ATP11C: variants seen among roughly 807,000 people sequenced by gnomAD.
ATP11C encodes phospholipid-transporting ATPase IG.
A neutral mutation model predicts 97.4 loss-of-function variants in ATP11C; 36 were observed. The observed-to-expected ratio is 0.37, with a 90% confidence interval of 0.28 to 0.49. ATP11C has a LOEUF of 0.49. Ranked by LOEUF, ATP11C falls within the 20% of genes least tolerant of loss-of-function variation. The pLI is 0.98. For synonymous variants in ATP11C, 275 were observed against 290.9 expected (o/e 0.95, Z 0.56); for missense variants, 730 against 824.6 (o/e 0.89, Z 1.40).
chrX:139,869,737 T>C (rs2084341215), intron 1 of ATP11C, among the ~76,000 whole-genome samples: 1 of 106,072 alleles, frequency 9.4e-6, no homozygotes, highest in Non-Finnish European at 1.9e-5. Context: ...GAGGTTGCAG[T>C]GAGCTGAGAT....
At chrX:139,901,207 G>A (rs763600751) in intron 1 of ATP11C, among the ~76,000 whole-genome samples, 1 of 111,675 alleles carries the variant, frequency 9.0e-6, no homozygotes, top group South Asian at 3.8e-4. Context: ...ATGAAGCATG[G>A]CCCTGTGGAG....
rs768666269 is a variant in ATP11C at position 139,816,932 on chromosome X, G to A, written c.249C>T (p.Asp83=). ...LIIFLVQVTV[D]TPTSPVTSGL... is the part of the protein sequence containing the mutation. Reference sequence around the variant, plus strand: ...CACTGGTAACTGGGCTAGTTGGTGTGTCTACTGTGACCTAGGTAAATAAAA... The same window carrying A: ...CACTGGTAACTGGGCTAGTTGGTGTATCTACTGTGACCTAGGTAAATAAAA... Residue 83 remains aspartate (D), a synonymous_variant, in exon 4 of 30, where the codon GAC becomes GAT. Coordinates refer to ENST00000682941, the MANE Select transcript of ATP11C (RefSeq NM_001353812.2). 26 of 1,186,394 alleles carry A rather than the reference G, an allele frequency of 2.2e-5. No homozygotes were observed. The South Asian group carries it at 4.4e-4, about 20-fold the overall frequency.
intron 1 of ATP11C, among the ~76,000 whole-genome samples, chrX:139,863,868 C>T (rs778576065): frequency 8.8e-4 from 98 of 110,987 alleles, no homozygotes; most frequent in Non-Finnish European, 1.1e-3. Context: ...TTGAGACCAG[C>T]GTGGGCAACA....
chrX:139,908,688 A>AT (rs993401471), intron 1 of ATP11C, among the ~76,000 whole-genome samples: 2 of 112,484 alleles, frequency 1.8e-5, no homozygotes, highest in African/African-American at 6.5e-5. Context: ...TGACAATAAC[A>AT]TAAGTTTCTA....
chrX:139,896,619 GTCTCTCTCTCTCTC>G (rs202000678), intron 1 of ATP11C, among the ~76,000 whole-genome samples: 5 of 90,884 alleles, frequency 5.5e-5, no homozygotes, highest in Admixed American at 3.7e-4. Context: ...TTGAGAAAGA[GTCTCTCTCTCTCTC>G]TCTCTCTCTC....
intron 21 of ATP11C, among the ~76,000 whole-genome samples, chrX:139,762,655 A>C (rs1781906560): frequency 9.0e-6 from 1 of 111,577 alleles, no homozygotes; most frequent in Admixed American, 9.5e-5. Context: ...TGAAAAGAAC[A>C]GTTTGGGAAC....
chrX:139,897,682 AAAG>A (rs2084833001), intron 1 of ATP11C, among the ~76,000 whole-genome samples: 1 of 109,457 alleles, frequency 9.1e-6, no homozygotes, highest in Admixed American at 9.8e-5. Flanking sequence ...AAAAAAAAAA[AAAG>A]AAAAAAGAAA....
At chrX:139,879,396 A>C (rs1350326304) in intron 1 of ATP11C, among the ~76,000 whole-genome samples, 1 of 111,251 alleles carries the variant, frequency 9.0e-6, no homozygotes, top group African/African-American at 3.3e-5. Context: ...CCTAGAGGAC[A>C]GTTATGCTAA....
chrX:139,897,532 A>G (rs919870286), intron 1 of ATP11C, among the ~76,000 whole-genome samples: 20 of 109,258 alleles, frequency 1.8e-4, no homozygotes, highest in Middle Eastern at 4.8e-3. Context: ...TTAGCTGGGT[A>G]TGGTGGCACA....
At chrX:139,911,244 T>C (rs1405696278) in intron 1 of ATP11C, among the ~76,000 whole-genome samples, 1 of 111,537 alleles carries the variant, frequency 9.0e-6, no homozygotes, top group African/African-American at 3.3e-5. Flanking sequence ...CACAAAGCTT[T>C]AGTGTTTTGA....
intron 18 of ATP11C, among the ~76,000 whole-genome samples, chrX:139,781,433 G>T (rs1471217384): frequency 8.9e-6 from 1 of 112,684 alleles, no homozygotes; most frequent in Non-Finnish European, 1.9e-5. Context: ...AAGTATGCAG[G>T]CCAGGCACGG....
rs149303430 is a variant in ATP11C at position 139,855,614 on chromosome X, T to C, written c.28-28791A>G. On this transcript the variant is annotated intron_variant, in intron 1 of 29. Coordinates refer to ENST00000682941, the MANE Select transcript of ATP11C (RefSeq NM_001353812.2). ...AAGAAAAATTTAACTCTTTCATCTA[T>C]CTATTACTCTTTCTTCTTTCCTCGC... Among the ~76,000 whole-genome samples, 316 of 112,218 alleles carry C rather than the reference T, an allele frequency of 2.8e-3. 2 individuals are homozygous for C. The highest frequency in any genetic ancestry group is 9.1e-3 in the Middle Eastern group (2 of 219).
chrX:139,732,943 G>A (rs917246740), intron 28 of ATP11C, among the ~76,000 whole-genome samples: 1 of 111,576 alleles, frequency 9.0e-6, no homozygotes, highest in Non-Finnish European at 1.9e-5. Flanking sequence ...CTATCTTGAA[G>A]TAATTATCTC....
chrX:139,834,034 G>A (rs893925654), intron 1 of ATP11C, among the ~76,000 whole-genome samples: 1 of 111,782 alleles, frequency 8.9e-6, no homozygotes. Flanking sequence ...ACTAGGCAAC[G>A]TCCTCAACAT....
chrX:139,821,995 A>G (rs1052605501), intron 2 of ATP11C, among the ~76,000 whole-genome samples: 8 of 112,212 alleles, frequency 7.1e-5, no homozygotes, highest in Non-Finnish European at 9.4e-5. Context: ...AAGTTATTCA[A>G]ATTAACTTGT....
At chrX:139,916,625 A>G (rs1233685195) in intron 1 of ATP11C, among the ~76,000 whole-genome samples, 2 of 111,764 alleles carry the variant, frequency 1.8e-5, no homozygotes, top group African/African-American at 3.3e-5. Flanking sequence ...GCTCTCAGAA[A>G]TAAGTAAGAG....
chrX:139,820,899 A>G (rs1326751031), intron 2 of ATP11C, among the ~76,000 whole-genome samples: 1 of 111,224 alleles, frequency 9.0e-6, no homozygotes, highest in Non-Finnish European at 1.9e-5. Context: ...TGCGGTTGAC[A>G]GTTGGCCTAA....
chrX:139,735,529 G>A (rs1023690611), intron 28 of ATP11C, among the ~76,000 whole-genome samples: 2 of 112,008 alleles, frequency 1.8e-5, no homozygotes, highest in East Asian at 2.8e-4. Flanking sequence ...AAGGAATACA[G>A]AACAAAGTAG....
intron 1 of ATP11C, among the ~76,000 whole-genome samples, chrX:139,925,966 G>A (rs893576220): frequency 8.9e-6 from 1 of 112,108 alleles, no homozygotes; most frequent in African/African-American, 3.2e-5. Flanking sequence ...TTGAGGGGCT[G>A]TCTGCCAATG....
Sources: allele counts gnomAD v4.1 joint callset (sites outside exome capture counted in the v4.1 genomes callset), GRCh38; gene constraint gnomAD v4.1.1; transcripts MANE v1.5; gene names NCBI Gene and HGNC (gene_info 2026-07-23, HGNC 2026-07-21).